SH3RF3: variants seen among roughly 807,000 people sequenced by gnomAD.
SH3RF3 encodes E3 ubiquitin-protein ligase SH3RF3.
Under a neutral mutation model 66.3 loss-of-function variants are expected in SH3RF3, and 29 were observed. The observed-to-expected ratio is 0.44, with a 90% confidence interval of 0.33 to 0.60. The LOEUF (loss-of-function observed/expected upper bound fraction) is 0.60, where lower values mean the gene tolerates loss of function less well. Among genes scored for constraint, SH3RF3 ranks in the 20% least tolerant of loss-of-function variants. The probability of loss-of-function intolerance (pLI) is 0.04; values close to 1 mark genes in which losing one functional copy is unlikely to be tolerated. For missense variants in SH3RF3, 1,194 were observed against 1,190.9 expected (o/e 1.00, Z -0.04); for synonymous variants, 583 against 532.0 (o/e 1.10, Z -1.32).
At position 109,431,673 on chromosome 2, in the gene SH3RF3, A is replaced by G. The variant is rs563930335; in HGVS notation, c.1404-828A>G. On this transcript the variant is annotated intron_variant, in intron 5 of 9. Transcript: ENST00000309415. ...GATTGCTTGAGACTAGGAGCTCAAG[A>G]CCAGTCTGGGCAACATAGTGGGACC... Among the ~76,000 whole-genome samples the G allele has an allele frequency of 1.4e-4, 22 of 152,268 alleles. No homozygotes were observed. In the South Asian group the frequency reaches 4.4e-3, roughly 30 times the overall value.
At chr2:109,219,343 A>G (rs1679175730) in intron 1 of SH3RF3, among the ~76,000 whole-genome samples, 1 of 152,220 alleles carries the variant, frequency 6.6e-6, no homozygotes, top group Non-Finnish European at 1.5e-5. Flanking sequence ...TTGCCAAGTA[A>G]AATGTTAAAA....
chr2:109,261,405 C>CAGTAAAATGTGCAGTCTGTGGA (rs1680351326), intron 1 of SH3RF3, among the ~76,000 whole-genome samples: 2 of 152,294 alleles, frequency 1.3e-5, no homozygotes, highest in South Asian at 4.2e-4. Flanking sequence ...TACAGCAGAG[C>CAGTAAAATGTGCAGTCTGTGGA]AGTAAAATGT....
chr2:109,469,322 T>C (rs1307155140), intron 8 of SH3RF3, among the ~76,000 whole-genome samples: 1 of 152,146 alleles, frequency 6.6e-6, no homozygotes, highest in Non-Finnish European at 1.5e-5. Context: ...TATCCTGGGG[T>C]GTGTGGCATG....
At chr2:109,297,932 C>G (rs1193690776) in intron 1 of SH3RF3, among the ~76,000 whole-genome samples, 1 of 151,056 alleles carries the variant, frequency 6.6e-6, no homozygotes, top group Non-Finnish European at 1.5e-5. Context: ...GATGTGTGTT[C>G]CCCCCCCACC....
At chr2:109,262,819 A>T (rs904782676) in intron 1 of SH3RF3, among the ~76,000 whole-genome samples, 1 of 152,106 alleles carries the variant, frequency 6.6e-6, no homozygotes, top group Non-Finnish European at 1.5e-5. Flanking sequence ...TTATTTTCAT[A>T]CAAGACTTTC....
Position 109,437,060 on chromosome 2 carries a change from A to T in SH3RF3, c.1742A>T (p.His581Leu). The T allele has an allele frequency of 6.2e-7, 1 of 1,613,248 alleles. No individual in the cohort carries two copies. The highest frequency in any genetic ancestry group is 8.5e-7 in the Non-Finnish European group (1 of 1,179,816). The change falls in exon 7 of 10, where the codon CAC becomes CTC. Residue 581 changes from histidine (H) to leucine (L), a missense_variant. Physicochemically the swap from His to Leu is moderately conservative, Grantham distance 99 (BLOSUM62 -3). Coordinates refer to ENST00000309415, the MANE Select transcript of SH3RF3 (RefSeq NM_001099289.3). ...PITTPQAHAQ[H>L]PTASPPTGSC... is the part of the protein sequence containing the mutation. ...ACCACTCCCCAGGCCCACGCCCAGC[A>T]CCCCACAGCCTCGCCCCCAACAGGC...
At chr2:109,334,077 A>AT (rs1682347466) in intron 1 of SH3RF3, among the ~76,000 whole-genome samples, 1 of 152,162 alleles carries the variant, frequency 6.6e-6, no homozygotes, top group African/African-American at 2.4e-5. Context: ...ATCACCTCAA[A>AT]ACCAGGTTCA....
chr2:109,415,506 C>G (rs1291408192), intron 4 of SH3RF3, among the ~76,000 whole-genome samples: 3 of 152,164 alleles, frequency 2.0e-5, no homozygotes, highest in Admixed American at 2.0e-4. Flanking sequence ...GCCCCCTGAG[C>G]GTGTCCAGAC....
chr2:109,493,659 A>G (rs1679186678), intron 9 of SH3RF3, among the ~76,000 whole-genome samples: 2 of 151,462 alleles, frequency 1.3e-5, no homozygotes, highest in Admixed American at 6.6e-5. Context: ...ATACACACAC[A>G]TATTATACAA....
At chr2:109,474,698 C>T (rs1212707359) in intron 8 of SH3RF3, among the ~76,000 whole-genome samples, 1 of 152,250 alleles carries the variant, frequency 6.6e-6, no homozygotes, top group Admixed American at 6.5e-5. Flanking sequence ...TTCTCCAAAG[C>T]ATCGCAGATA....
chr2:109,357,190 T>G (rs11679797), intron 2 of SH3RF3, among the ~76,000 whole-genome samples: 4,860 of 137,454 alleles, frequency 0.035, 107 homozygotes, highest in Middle Eastern at 0.05. Flanking sequence ...TGTTTTTTGG[T>G]TTTTTTTTTG....
intron 1 of SH3RF3, among the ~76,000 whole-genome samples, chr2:109,249,569 T>TTCCG (rs1680026273): frequency 1.4e-5 from 2 of 138,736 alleles, no homozygotes; most frequent in African/African-American, 5.9e-5. Flanking sequence ...CCTTCCTTCC[T>TTCCG]TCCTTCCTTC....
intron 3 of SH3RF3, among the ~76,000 whole-genome samples, chr2:109,378,896 C>T (rs1683449812): frequency 1.3e-5 from 2 of 152,224 alleles, no homozygotes. Context: ...CCCTGATCAG[C>T]TCTCAGCTGA....
At chr2:109,279,809 G>C (rs1338981232) in intron 1 of SH3RF3, among the ~76,000 whole-genome samples, 1 of 152,200 alleles carries the variant, frequency 6.6e-6, no homozygotes, top group East Asian at 1.9e-4. Context: ...GAAGAGGTCC[G>C]GGAGGATCTA....
At chr2:109,268,821 C>T (rs1680561889) in intron 1 of SH3RF3, among the ~76,000 whole-genome samples, 1 of 152,042 alleles carries the variant, frequency 6.6e-6, no homozygotes, top group Non-Finnish European at 1.5e-5. Context: ...TTAAGGTGAG[C>T]CAGGCTATGC....
At chr2:109,261,594 A>C (rs941196778) in intron 1 of SH3RF3, among the ~76,000 whole-genome samples, 1 of 152,164 alleles carries the variant, frequency 6.6e-6, no homozygotes, top group Non-Finnish European at 1.5e-5. Flanking sequence ...GCCCAGAAAG[A>C]AGTGGCATGG....
At chr2:109,139,333 A>C (rs930774469) in intron 1 of SH3RF3, among the ~76,000 whole-genome samples, 4 of 151,850 alleles carry the variant, frequency 2.6e-5, no homozygotes, top group African/African-American at 9.7e-5. Flanking sequence ...TACTGAGTTC[A>C]TGATGCCCAT....
At chr2:109,298,420 G>A (rs371181656) in intron 1 of SH3RF3, among the ~76,000 whole-genome samples, 162 of 152,240 alleles carry the variant, frequency 1.1e-3, no homozygotes, top group African/African-American at 3.7e-3. Context: ...AGTTCCCATG[G>A]TCTGTGGGTC....
intron 1 of SH3RF3, among the ~76,000 whole-genome samples, chr2:109,176,575 TTAAAA>T (rs1409803781): frequency 2.0e-5 from 3 of 152,150 alleles, no homozygotes; most frequent in African/African-American, 7.2e-5. Flanking sequence ...CTACAAAAAA[TTAAAA>T]TAAAAAATTA....
Sources: gnomAD v4.1 joint callset for allele counts (sites outside exome capture counted in the v4.1 genomes callset) on GRCh38, gnomAD v4.1.1 for gene constraint, MANE v1.5 for transcripts, NCBI Gene and HGNC (gene_info 2026-07-23, HGNC 2026-07-21) for gene names.